Variants in BBOX1 observed in about 807,000 individuals in gnomAD.
BBOX1 encodes the protein gamma-butyrobetaine dioxygenase.
A neutral mutation model predicts 41.6 loss-of-function variants in BBOX1; 35 were observed. The observed-to-expected ratio is 0.84, with a 90% confidence interval of 0.64 to 1.11. The LOEUF is 1.11. Among genes scored for constraint, BBOX1 ranks in the 50% most tolerant of loss-of-function variants. The pLI is 0.00. For missense variants in BBOX1, 458 were observed against 460.6 expected (o/e 0.99, Z 0.05); for synonymous variants, 163 against 154.7 (o/e 1.05, Z -0.40).
chr11:27,093,966 T>C (rs1275956181), intron 5 of BBOX1, among the ~76,000 whole-genome samples: 2 of 151,990 alleles, frequency 1.3e-5, no homozygotes, highest in East Asian at 3.9e-4. Context: ...AAGACTGTGT[T>C]TCTCCAAGAC....
chr11:27,084,411 T>C (rs1337282359), intron 4 of BBOX1, among the ~76,000 whole-genome samples: 2 of 151,960 alleles, frequency 1.3e-5, no homozygotes, highest in Non-Finnish European at 1.5e-5. Context: ...GTGATCAGAA[T>C]CTTGAAAGAC....
chr11:27,056,543 A>C (rs1216656120), intron 3 of BBOX1, among the ~76,000 whole-genome samples: 1 of 152,052 alleles, frequency 6.6e-6, no homozygotes, highest in Non-Finnish European at 1.5e-5. Flanking sequence ...GGCATAAGCC[A>C]CCACACCCAG....
chr11:27,081,849 G>T (rs1274908071), intron 4 of BBOX1, among the ~76,000 whole-genome samples: 1 of 152,130 alleles, frequency 6.6e-6, no homozygotes, highest in East Asian at 1.9e-4. Flanking sequence ...CTGCATACAT[G>T]TCTTCCTTTG....
intron 4 of BBOX1, among the ~76,000 whole-genome samples, chr11:27,076,511 A>C (rs1857635276): frequency 1.3e-5 from 2 of 152,194 alleles, no homozygotes; most frequent in African/African-American, 2.4e-5. Context: ...GTTGGCCTCC[A>C]GCCAGGAGGT....
intron 5 of BBOX1, among the ~76,000 whole-genome samples, chr11:27,114,441 A>G (rs1859185550): frequency 6.6e-6 from 1 of 151,860 alleles, no homozygotes; most frequent in African/African-American, 2.4e-5. Context: ...TGGGCAAAAC[A>G]ATATTTAAAA....
At chr11:27,084,732 A>C (rs986301218) in intron 4 of BBOX1, among the ~76,000 whole-genome samples, 19 of 152,124 alleles carry the variant, frequency 1.2e-4, no homozygotes, top group Admixed American at 1.2e-3. Context: ...TCTTTAACTA[A>C]AGAGCTTCTT....
chr11:27,057,527 G>A, intron 4 of BBOX1: 1 of 476,904 alleles, frequency 2.1e-6, no homozygotes, highest in Non-Finnish European at 3.6e-6. Context: ...TACAGAGAAA[G>A]AAACAAAATA....
intron 2 of BBOX1, among the ~76,000 whole-genome samples, chr11:27,043,003 G>A (rs1851380418): frequency 6.6e-6 from 1 of 152,172 alleles, no homozygotes; most frequent in South Asian, 2.1e-4. Context: ...TGAAATGCCA[G>A]ATGGTGAGGT....
Position 27,054,984 on chromosome 11 carries a change from G to A in BBOX1, c.-38-409G>A, listed in dbSNP as rs538315665. On this transcript the variant is annotated intron_variant, in intron 2 of 8. Coordinates refer to ENST00000263182, the MANE Select transcript of BBOX1 (RefSeq NM_003986.3). ...ATTTTTTTTCAAAAGCCATGTCCAA[G>A]TGGGCACCAGTTAAAATAGGACAGG... Among the ~76,000 whole-genome samples, 6 of 152,164 alleles carry A rather than the reference G, an allele frequency of 3.9e-5. No individual in the cohort carries two copies. The South Asian group carries it at 1.2e-3, about 32-fold the overall frequency.
intron 4 of BBOX1, among the ~76,000 whole-genome samples, chr11:27,059,130 T>C (rs763484049): frequency 6.6e-5 from 10 of 152,138 alleles, no homozygotes; most frequent in Non-Finnish European, 1.3e-4. Flanking sequence ...GCCCTGTGTG[T>C]AGCCTCGGGA....
At chr11:27,074,630 C>T (rs994596835) in intron 4 of BBOX1, among the ~76,000 whole-genome samples, 1 of 152,158 alleles carries the variant, frequency 6.6e-6, no homozygotes, top group Non-Finnish European at 1.5e-5. Context: ...TTTAGGGTAT[C>T]TGGCAGAAGA....
At position 27,102,668 on chromosome 11, in the gene BBOX1, C is replaced by T. The variant is rs191641942; in HGVS notation, c.533+9302C>T. 7.6e-4 allele frequency among the ~76,000 whole-genome samples: 115 copies of T among 152,174 alleles called. 2 individuals carry two copies. The East Asian group carries it at 0.02, about 26-fold the overall frequency. On this transcript the variant is annotated intron_variant, in intron 5 of 8. Coordinates refer to ENST00000263182, the MANE Select transcript of BBOX1 (RefSeq NM_003986.3). ...TAAACATAAATTTACTGCTCAGCAC[C>T]AAACTTAGCTCAATGTATCTATTCA...
chr11:27,090,126 G>A (rs1206234079), intron 4 of BBOX1, among the ~76,000 whole-genome samples: 1 of 151,906 alleles, frequency 6.6e-6, no homozygotes, highest in Non-Finnish European at 1.5e-5. Context: ...ACTGCCCTGG[G>A]GAACTTCACG....
At chr11:27,095,446 T>C (rs1403231385) in intron 5 of BBOX1, among the ~76,000 whole-genome samples, 1 of 151,978 alleles carries the variant, frequency 6.6e-6, no homozygotes, top group Non-Finnish European at 1.5e-5. Context: ...ATTGTGAAAT[T>C]ATTGGAATAA....
At chr11:27,116,472 CAAA>C (rs11336654) in intron 6 of BBOX1, among the ~76,000 whole-genome samples, 12 of 150,444 alleles carry the variant, frequency 8.0e-5, no homozygotes, top group African/African-American at 2.4e-4. Context: ...TAAAGTATAA[CAAA>C]AAAAAAAAAT....
chr11:27,105,955 G>T (rs541320204), intron 5 of BBOX1, among the ~76,000 whole-genome samples: 33 of 152,228 alleles, frequency 2.2e-4, no homozygotes, highest in African/African-American at 7.5e-4. Context: ...TTAAAGAAAA[G>T]AATTTTCAAC....
chr11:27,060,899 T>G (rs1030326773), intron 4 of BBOX1, among the ~76,000 whole-genome samples: 1 of 152,182 alleles, frequency 6.6e-6, no homozygotes, highest in African/African-American at 2.4e-5. Flanking sequence ...GGGAAAGATG[T>G]TTTTATTGCC....
chr11:27,125,864 CT>C (rs1345402856), intron 8 of BBOX1, 44 bp downstream of exon 8: 3 of 1,578,530 alleles, frequency 1.9e-6, no homozygotes, highest in Admixed American at 3.6e-5. Context: ...CATGGATTTT[CT>C]TCAACCTTAA....
At chr11:27,059,802 C>T (rs958332946) in intron 4 of BBOX1, among the ~76,000 whole-genome samples, 1 of 152,164 alleles carries the variant, frequency 6.6e-6, no homozygotes, top group Non-Finnish European at 1.5e-5. Context: ...GGGCCCTGTA[C>T]TCCCCTTTCT....
Sources: allele counts gnomAD v4.1 joint callset (sites outside exome capture counted in the v4.1 genomes callset), GRCh38; gene constraint gnomAD v4.1.1; transcripts MANE v1.5; gene names NCBI Gene and HGNC (gene_info 2026-07-23, HGNC 2026-07-21).